OXR1: variants seen among roughly 807,000 people sequenced by gnomAD.
OXR1 encodes the protein oxidation resistance protein 1.
In OXR1, 41 loss-of-function variants were observed where a neutral mutation model predicts 104.6. The observed-to-expected ratio is 0.39, with a 90% CI of 0.31 to 0.51. The LOEUF (loss-of-function observed/expected upper bound fraction) is 0.51. Among genes scored for constraint, OXR1 ranks in the 20% least tolerant of loss-of-function variants. The pLI is 0.77. For missense variants in OXR1, 955 were observed against 1,031.9 expected (o/e 0.93, Z 1.02); for synonymous variants, 348 against 348.4 (o/e 1.00, Z 0.01).
Position 106,374,083 on chromosome 8 carries a change from A to C in OXR1, c.23+14447A>C, listed in dbSNP as rs1406113514. Among the ~76,000 whole-genome samples, 3 of 152,318 alleles carry C rather than the reference A, an allele frequency of 2.0e-5. 1 individual carries two copies. The highest frequency in any genetic ancestry group is 2.0e-4 in the Admixed American group (3 of 15,298). On this transcript the variant is annotated intron_variant, in intron 2 of 16. Transcript: ENST00000517566. ...AGATTCAGTGTATTGAAACAGCTTA[A>C]ACATTACATAATTGCCTAGAAAGGG...
intron 3 of OXR1, among the ~76,000 whole-genome samples, chr8:106,675,476 C>G (rs1486693819): frequency 6.6e-6 from 1 of 152,012 alleles, no homozygotes; most frequent in African/African-American, 2.4e-5. Context: ...TAGCTGTGTC[C>G]CAGAGATTCT....
At chr8:106,346,889 C>G (rs1166279558) in intron 1 of OXR1, among the ~76,000 whole-genome samples, 1 of 151,986 alleles carries the variant, frequency 6.6e-6, no homozygotes, top group Non-Finnish European at 1.5e-5. Flanking sequence ...AATACAAAAA[C>G]AAAATTAGCC....
intron 3 of OXR1, among the ~76,000 whole-genome samples, chr8:106,612,536 T>C (rs2130804692): frequency 6.6e-6 from 1 of 152,284 alleles, no homozygotes; most frequent in Middle Eastern, 3.4e-3. Flanking sequence ...AATTTTTTCT[T>C]TAATTCATTT....
intron 1 of OXR1, among the ~76,000 whole-genome samples, chr8:106,353,562 C>T (rs1815828095): frequency 6.6e-6 from 1 of 151,790 alleles, no homozygotes; most frequent in African/African-American, 2.4e-5. Flanking sequence ...TTGTTGCTAA[C>T]ATTTTATTTT....
chr8:106,389,347 C>A (rs189344266), intron 2 of OXR1, among the ~76,000 whole-genome samples: 4 of 152,154 alleles, frequency 2.6e-5, no homozygotes, highest in African/African-American at 9.7e-5. Flanking sequence ...TTCTGTGAAA[C>A]GCCCATGTGC....
At chr8:106,452,117 G>A (rs1482106988) in intron 2 of OXR1, among the ~76,000 whole-genome samples, 2 of 152,112 alleles carry the variant, frequency 1.3e-5, no homozygotes, top group Non-Finnish European at 2.9e-5. Flanking sequence ...TTTCTGTCTG[G>A]TAAGCTCATG....
At chr8:106,677,679 C>T (rs942818659) in intron 3 of OXR1, among the ~76,000 whole-genome samples, 2 of 151,958 alleles carry the variant, frequency 1.3e-5, no homozygotes, top group African/African-American at 2.4e-5. Context: ...ATATTTTCAC[C>T]TGCATTATTT....
At chr8:106,491,084 T>G (rs981365215) in intron 2 of OXR1, among the ~76,000 whole-genome samples, 1 of 152,200 alleles carries the variant, frequency 6.6e-6, no homozygotes, top group Non-Finnish European at 1.5e-5. Flanking sequence ...CAGATCTGCT[T>G]CCTCGACGCT....
At chr8:106,585,471 A>T (rs566363210) in intron 3 of OXR1, among the ~76,000 whole-genome samples, 36 of 152,288 alleles carry the variant, frequency 2.4e-4, no homozygotes, top group African/African-American at 8.2e-4. Context: ...GATTGAATTC[A>T]GTACTCTTTT....
chr8:106,280,100 G>A (rs1453099873), intron 1 of OXR1, among the ~76,000 whole-genome samples: 1 of 152,176 alleles, frequency 6.6e-6, no homozygotes, highest in East Asian at 1.9e-4. Flanking sequence ...GGGAATAAAT[G>A]ATAATGTGCC....
chr8:106,690,439 T>G (rs1829164577), intron 6 of OXR1, among the ~76,000 whole-genome samples: 1 of 151,232 alleles, frequency 6.6e-6, no homozygotes, highest in Non-Finnish European at 1.5e-5. Flanking sequence ...AGAACAAAAT[T>G]TTATGGTTAG....
intron 1 of OXR1, among the ~76,000 whole-genome samples, chr8:106,339,506 AAAAAAAAAAAAAAATATATATATATAT>A (rs1479404255): frequency 1.1e-4 from 5 of 44,258 alleles, no homozygotes; most frequent in African/African-American, 7.8e-4. Flanking sequence ...AAAAAAAAAA[AAAAAAAAAAAAAAATATATATATATAT>A]ATATATATAT....
At chr8:106,313,482 T>C (rs1813794905) in intron 1 of OXR1, among the ~76,000 whole-genome samples, 1 of 152,188 alleles carries the variant, frequency 6.6e-6, no homozygotes, top group Admixed American at 6.5e-5. Flanking sequence ...GTTTTGAATT[T>C]AATGAGATTT....
chr8:106,499,676 T>G (rs1028731004), intron 2 of OXR1, among the ~76,000 whole-genome samples: 1 of 152,250 alleles, frequency 6.6e-6, no homozygotes, highest in African/African-American at 2.4e-5. Flanking sequence ...TCTCTTTTCT[T>G]CTTTGACTTT....
intron 1 of OXR1, among the ~76,000 whole-genome samples, chr8:106,323,334 T>C (rs913483914): frequency 6.6e-6 from 1 of 152,228 alleles, no homozygotes; most frequent in Admixed American, 6.5e-5. Flanking sequence ...GCTAGGCATA[T>C]GCAGAAGATT....
At chr8:106,452,582 T>C (rs1204575785) in intron 2 of OXR1, among the ~76,000 whole-genome samples, 2 of 152,116 alleles carry the variant, frequency 1.3e-5, no homozygotes, top group Admixed American at 6.6e-5. Flanking sequence ...ATTCTGAAAA[T>C]AGGGCCACCT....
At chr8:106,698,133 T>C (rs1830247070) in intron 7 of OXR1, 1 of 634,684 alleles carries the variant, frequency 1.6e-6, no homozygotes, top group African/African-American at 1.8e-5. Flanking sequence ...TACCCAGATA[T>C]CCTCTTCATT....
chr8:106,538,361 T>A (rs1023719971), intron 3 of OXR1, among the ~76,000 whole-genome samples: 1 of 152,238 alleles, frequency 6.6e-6, no homozygotes, highest in African/African-American at 2.4e-5. Context: ...TTGATTTGAT[T>A]TTTTAGCACA....
At chr8:106,518,734 T>C (rs372651951) in intron 2 of OXR1, among the ~76,000 whole-genome samples, 1 of 152,208 alleles carries the variant, frequency 6.6e-6, no homozygotes, top group East Asian at 1.9e-4. Flanking sequence ...TCTTTCAAAA[T>C]GATTAGGCAG....
Sources: gnomAD v4.1 joint callset for allele counts (sites outside exome capture counted in the v4.1 genomes callset) on GRCh38, gnomAD v4.1.1 for gene constraint, MANE v1.5 for transcripts, NCBI Gene and HGNC (gene_info 2026-07-23, HGNC 2026-07-21) for gene names.